ZNRF3: variants seen among roughly 807,000 people sequenced by gnomAD.
The protein encoded by ZNRF3 is E3 ubiquitin-protein ligase ZNRF3.
In ZNRF3, 23 loss-of-function variants were observed where a neutral mutation model predicts 72.5. The observed-to-expected ratio is 0.32, with a 90% CI of 0.23 to 0.45. The LOEUF is 0.45. Among genes scored for constraint, ZNRF3 ranks in the 20% least tolerant of loss-of-function variants. The probability of loss-of-function intolerance (pLI) is 1.00; values close to 1 mark genes in which losing one functional copy is unlikely to be tolerated. For missense variants in ZNRF3, 1,169 were observed against 1,272.1 expected (o/e 0.92, Z 1.23); for synonymous variants, 610 against 545.3 (o/e 1.12, Z -1.65).
intron 4 of ZNRF3, among the ~76,000 whole-genome samples, chr22:29,044,198 G>A (rs2037018713): frequency 6.6e-6 from 1 of 152,134 alleles, no homozygotes; most frequent in South Asian, 2.1e-4. Context: ...TCCCAGATAA[G>A]GTGGCTGTGA....
At position 28,974,770 on chromosome 22, in the gene ZNRF3, C is replaced by T. The variant is rs932852206; in HGVS notation, c.301-12306C>T. On this transcript the variant is annotated intron_variant, in intron 1 of 8. Coordinates refer to ENST00000544604, the MANE Select transcript of ZNRF3 (RefSeq NM_001206998.2). Reference sequence around the variant, plus strand: ...AAGCAATCCTCCCACCTTGGCCTCTCGAGTAGCAAGGACCACAGGTGCATG... The same window carrying T: ...AAGCAATCCTCCCACCTTGGCCTCTTGAGTAGCAAGGACCACAGGTGCATG... Among the ~76,000 whole-genome samples, 5 of 152,164 alleles carry T rather than the reference C, an allele frequency of 3.3e-5. No individual in the cohort carries two copies. In the East Asian group the frequency reaches 7.7e-4, roughly 23 times the overall value.
At chr22:28,989,417 C>T (rs2035914907) in intron 2 of ZNRF3, among the ~76,000 whole-genome samples, 1 of 152,126 alleles carries the variant, frequency 6.6e-6, no homozygotes, top group South Asian at 2.1e-4. Flanking sequence ...TGGTTGTTCT[C>T]AGTCTCAATT....
rs2036365831 is a variant in ZNRF3, at chr22:29,012,646, GC to G, written c.426+25450del. The stretch of plus-strand genomic sequence containing the variant: ...CTTTACACTGGTAGGTGTAGGAAGG[GC>G]CCCCATCGAGGGCCGTTAACTTACT... On this transcript the variant is annotated intron_variant, in intron 2 of 8. Transcript: ENST00000544604. Among the ~76,000 whole-genome samples, 12 of 152,270 alleles carry G rather than the reference GC, an allele frequency of 7.9e-5. 1 individual carries two copies. In the South Asian group the frequency reaches 2.5e-3, roughly 32 times the overall value.
chr22:28,969,176 C>T (rs551727423), intron 1 of ZNRF3, among the ~76,000 whole-genome samples: 3 of 152,286 alleles, frequency 2.0e-5, no homozygotes, highest in South Asian at 2.1e-4. Flanking sequence ...GCTCCCATCC[C>T]GCCCCACTTG....
chr22:28,939,321 A>G (rs1287553728), intron 1 of ZNRF3, among the ~76,000 whole-genome samples: 1 of 151,696 alleles, frequency 6.6e-6, no homozygotes, highest in East Asian at 1.9e-4. Flanking sequence ...AATATACTTC[A>G]TATGTTTGTT....
intron 1 of ZNRF3, among the ~76,000 whole-genome samples, chr22:28,916,224 G>A (rs970385645): frequency 2.0e-5 from 3 of 152,006 alleles, no homozygotes; most frequent in Non-Finnish European, 4.4e-5. Context: ...ACTGTGCCCG[G>A]CTAATTTTGT....
intron 1 of ZNRF3, chr22:28,917,576 C>A: frequency 5.0e-6 from 2 of 396,386 alleles, no homozygotes; most frequent in Non-Finnish European, 6.9e-6. Context: ...TAGCTGGGTG[C>A]CTATAGTCCC....
In ZNRF3 at chr22:29,000,798, G is replaced by A. The variant is rs112740404; in HGVS notation, c.426+13597G>A. ...AGGGGGAGCTGGTGTATCACACGGC[G>A]AGAGTGGGAATGAGATGGGGGTGGG... On this transcript the variant is annotated intron_variant, in intron 2 of 8. Coordinates refer to ENST00000544604, the MANE Select transcript of ZNRF3 (RefSeq NM_001206998.2). Among the ~76,000 whole-genome samples, 637 of 152,164 alleles carry A rather than the reference G, an allele frequency of 4.2e-3. 7 individuals carry two copies. Among genetic ancestry groups the A allele is most frequent in the African/African-American group, 0.015 (607 of 41,516 alleles).
At chr22:28,998,357 A>G (rs1052231820) in intron 2 of ZNRF3, among the ~76,000 whole-genome samples, 2 of 152,140 alleles carry the variant, frequency 1.3e-5, no homozygotes, top group African/African-American at 2.4e-5. Flanking sequence ...TATCACTATC[A>G]ATTTCTAAAC....
In ZNRF3 at chr22:28,993,651, T is replaced by G. The variant is rs549712302; in HGVS notation, c.426+6450T>G. Among the ~76,000 whole-genome samples the G allele has an allele frequency of 1.5e-4, 23 of 152,234 alleles. No individual in the cohort carries two copies. The South Asian group carries it at 4.4e-3, about 29-fold the overall frequency. ...GAGCATGTAAGGGTTAAGACTTGGG[T>G]TTAGTCATCATACTAACACAGGTTT... On this transcript the variant is annotated intron_variant, in intron 2 of 8. Transcript: ENST00000544604.
chr22:29,053,411 C>T (rs1282984494), intron 8 of ZNRF3, among the ~76,000 whole-genome samples, 168 bp from the exon 9 acceptor site: 1 of 152,172 alleles, frequency 6.6e-6, no homozygotes, highest in Non-Finnish European at 1.5e-5. Flanking sequence ...CCAGGAGGTA[C>T]CTGTGCTCTC....
intron 1 of ZNRF3, among the ~76,000 whole-genome samples, chr22:28,903,415 G>T (rs764262627): frequency 4.6e-5 from 7 of 152,192 alleles, no homozygotes; most frequent in African/African-American, 1.7e-4. Flanking sequence ...GCCTAATTAC[G>T]TGGGACTTGG....
intron 1 of ZNRF3, among the ~76,000 whole-genome samples, chr22:28,913,927 C>T (rs1048711831): frequency 1.3e-5 from 2 of 152,176 alleles, no homozygotes; most frequent in African/African-American, 4.8e-5. Context: ...CCCCCGACCC[C>T]TGCAGCCCTA....
At chr22:29,027,437 C>T (rs542913641) in intron 2 of ZNRF3, among the ~76,000 whole-genome samples, 17 of 151,974 alleles carry the variant, frequency 1.1e-4, no homozygotes, top group Admixed American at 2.0e-4. Context: ...GTAGTAGAGA[C>T]GGGGTTTCAC....
At chr22:28,913,565 G>A (rs956302381) in intron 1 of ZNRF3, among the ~76,000 whole-genome samples, 4 of 152,094 alleles carry the variant, frequency 2.6e-5, no homozygotes, top group Admixed American at 2.0e-4. Flanking sequence ...AGAATGAATG[G>A]CCTGAACACC....
At position 28,925,686 on chromosome 22, in the gene ZNRF3, A is replaced by G. The variant is rs117689865; in HGVS notation, c.300+41620A>G. 4.6e-4 allele frequency among the ~76,000 whole-genome samples: 70 copies of G among 152,150 alleles called. 1 individual carries two copies. In the East Asian group the frequency reaches 0.013, roughly 28 times the overall value. On this transcript the variant is annotated intron_variant, in intron 1 of 8. Coordinates refer to ENST00000544604, the MANE Select transcript of ZNRF3 (RefSeq NM_001206998.2). Reference sequence around the variant, plus strand: ...ATTTGCTTTCTTACATTTTTTATCTATCTGTGCATGTGATGGGGTTTTTTG... The same window carrying G: ...ATTTGCTTTCTTACATTTTTTATCTGTCTGTGCATGTGATGGGGTTTTTTG...
intron 1 of ZNRF3, among the ~76,000 whole-genome samples, chr22:28,927,490 A>T (rs933833274): frequency 6.6e-6 from 1 of 152,220 alleles, no homozygotes; most frequent in Admixed American, 6.5e-5. Context: ...CAAAGTTAAG[A>T]TGAGCTACAA....
chr22:29,033,626 G>T (rs1170220588), intron 2 of ZNRF3, among the ~76,000 whole-genome samples: 1 of 152,176 alleles, frequency 6.6e-6, no homozygotes, highest in Non-Finnish European at 1.5e-5. Flanking sequence ...CTGGTGTCCT[G>T]GCCAGGGTGG....
At chr22:28,948,746 C>T (rs2035098978) in intron 1 of ZNRF3, among the ~76,000 whole-genome samples, 1 of 152,168 alleles carries the variant, frequency 6.6e-6, no homozygotes, top group Non-Finnish European at 1.5e-5. Context: ...GAGGTAGTTT[C>T]TGAAAGATTA....
Sources: allele counts gnomAD v4.1 joint callset (sites outside exome capture counted in the v4.1 genomes callset), GRCh38; gene constraint gnomAD v4.1.1; transcripts MANE v1.5; gene names NCBI Gene and HGNC (gene_info 2026-07-23, HGNC 2026-07-21).